Variants in OCA2 observed in about 807,000 individuals in gnomAD.
OCA2 encodes OCA2 melanosomal transmembrane protein.
In OCA2, 77 loss-of-function variants were observed where a neutral mutation model predicts 100.2. That is an observed-to-expected ratio of 0.77 (90% CI 0.64 to 0.93). OCA2 has a LOEUF of 0.93. Among genes scored for constraint, OCA2 ranks in the 40% least tolerant of loss-of-function variants. The probability of loss-of-function intolerance (pLI) is 0.00; values close to 1 mark genes in which losing one functional copy is unlikely to be tolerated. For synonymous variants in OCA2, 432 were observed against 439.2 expected (o/e 0.98, Z 0.21); for missense variants, 1,062 against 1,089.1 (o/e 0.98, Z 0.35).
At chr15:27,998,321 G>A (rs1275727301) in intron 9 of OCA2, among the ~76,000 whole-genome samples, 1 of 88,512 alleles carries the variant, frequency 1.1e-5, no homozygotes, top group African/African-American at 2.7e-5. Context: ...CTAGTATCCA[G>A]AATCTACAAT....
chr15:27,915,215 T>C (rs1435032563), intron 19 of OCA2, among the ~76,000 whole-genome samples: 1 of 152,126 alleles, frequency 6.6e-6, no homozygotes, highest in African/African-American at 2.4e-5. Flanking sequence ...CAACTCAAGA[T>C]GGATCAAAGA....
intron 18 of OCA2, among the ~76,000 whole-genome samples, chr15:27,948,147 C>T (rs114871145): frequency 0.025 from 3,761 of 152,062 alleles, 168 homozygotes; most frequent in African/African-American, 0.086. Context: ...AGAGGACAGA[C>T]GAGGAAAGAA....
intron 14 of OCA2, among the ~76,000 whole-genome samples, chr15:27,968,769 C>T (rs1194563557): frequency 1.3e-5 from 2 of 152,050 alleles, no homozygotes; most frequent in Non-Finnish European, 2.9e-5. Context: ...AAGCTAATTC[C>T]TGGACAGATG....
chr15:28,000,665 A>G (rs58913900), intron 9 of OCA2, among the ~76,000 whole-genome samples: 6,735 of 152,226 alleles, frequency 0.044, 515 homozygotes, highest in African/African-American at 0.15. Context: ...CAAACAACAA[A>G]ATGAAAAGAC....
At chr15:27,927,980 TG>T (rs974774747) in intron 18 of OCA2, among the ~76,000 whole-genome samples, 3 of 151,886 alleles carry the variant, frequency 2.0e-5, no homozygotes, top group Admixed American at 6.6e-5. Flanking sequence ...TCAGTAGAGA[TG>T]GGGTTTCACC....
the OCA2 span, among the ~76,000 whole-genome samples, chr15:27,746,292 C>T: frequency 6.6e-6 from 1 of 151,998 alleles, no homozygotes; most frequent in Non-Finnish European, 1.5e-5. Flanking sequence ...CCCATCTCTA[C>T]TAAAAATACA....
At chr15:27,954,809 T>G (rs1320500319) in intron 17 of OCA2, among the ~76,000 whole-genome samples, 2 of 152,198 alleles carry the variant, frequency 1.3e-5, no homozygotes, top group African/African-American at 4.8e-5. Flanking sequence ...TCATGCAGCA[T>G]GCCTTGCCGG....
the OCA2 span, among the ~76,000 whole-genome samples, chr15:27,719,265 C>T: frequency 6.6e-6 from 1 of 152,138 alleles, no homozygotes; most frequent in Non-Finnish European, 1.5e-5. Context: ...TGCAGTCCTT[C>T]TTGCCACGTC....
At chr15:28,008,249 T>G (rs1311431984) in intron 9 of OCA2, among the ~76,000 whole-genome samples, 2 of 152,196 alleles carry the variant, frequency 1.3e-5, no homozygotes, top group Non-Finnish European at 2.9e-5. Flanking sequence ...GAAGCAAAAT[T>G]TATTCAAATA....
chr15:28,056,921 GC>G (rs2043719796), intron 2 of OCA2, among the ~76,000 whole-genome samples: 1 of 152,232 alleles, frequency 6.6e-6, no homozygotes, highest in African/African-American at 2.4e-5. Context: ...CCAGCTGCCT[GC>G]CCCCTGCCTC....
intron 19 of OCA2, among the ~76,000 whole-genome samples, chr15:27,919,345 T>C (rs1234119601): frequency 6.6e-6 from 1 of 152,098 alleles, no homozygotes; most frequent in African/African-American, 2.4e-5. Flanking sequence ...TTATTTAAAA[T>C]TGCCAAAACT....
chr15:27,876,950 A>G (rs2036816448), intron 19 of OCA2, among the ~76,000 whole-genome samples: 3 of 151,742 alleles, frequency 2.0e-5, no homozygotes, highest in Non-Finnish European at 4.4e-5. Context: ...TTTACTTTCC[A>G]TTCCAGCTTC....
intron 23 of OCA2, among the ~76,000 whole-genome samples, chr15:27,774,257 G>A (rs1015322444): frequency 1.3e-5 from 2 of 152,164 alleles, no homozygotes; most frequent in Non-Finnish European, 2.9e-5. Context: ...GTGCATTCCA[G>A]ATGATGTCTC....
chr15:28,054,369 G>A (rs371625725), intron 2 of OCA2, among the ~76,000 whole-genome samples: 5 of 152,188 alleles, frequency 3.3e-5, no homozygotes, highest in East Asian at 1.9e-4. Flanking sequence ...GTACATGTGC[G>A]TGCTGGTCCT....
chr15:27,730,946 T>C, the OCA2 span, among the ~76,000 whole-genome samples: 1 of 151,770 alleles, frequency 6.6e-6, no homozygotes, highest in Non-Finnish European at 1.5e-5. Flanking sequence ...CTAAAGCCTG[T>C]GTTTTCTCAG....
At chr15:27,784,456 A>G (rs575890676) in intron 23 of OCA2, among the ~76,000 whole-genome samples, 33 of 152,316 alleles carry the variant, frequency 2.2e-4, no homozygotes, top group African/African-American at 7.9e-4. Flanking sequence ...TGGATCAAAA[A>G]TTTTGTGACA....
At chr15:28,030,861 C>T (rs1374098570) in intron 3 of OCA2, among the ~76,000 whole-genome samples, 1 of 152,214 alleles carries the variant, frequency 6.6e-6, no homozygotes, top group Non-Finnish European at 1.5e-5. Context: ...AAAAGAGTCA[C>T]ATAAAAGGCA....
chr15:28,083,830 A>C (rs2044724497), intron 1 of OCA2, among the ~76,000 whole-genome samples: 1 of 152,194 alleles, frequency 6.6e-6, no homozygotes, highest in African/African-American at 2.4e-5. Context: ...CTCACAAATT[A>C]TGTAACTGGT....
intron 4 of OCA2, among the ~76,000 whole-genome samples, chr15:28,027,434 A>C (rs1223708881): frequency 6.6e-6 from 1 of 152,216 alleles, no homozygotes; most frequent in Non-Finnish European, 1.5e-5. Flanking sequence ...TTCCAGCCTT[A>C]ACAAGGTTTC....
Sources: gnomAD v4.1 joint callset for allele counts (sites outside exome capture counted in the v4.1 genomes callset) on GRCh38, gnomAD v4.1.1 for gene constraint, MANE v1.5 for transcripts, NCBI Gene and HGNC (gene_info 2026-07-23, HGNC 2026-07-21) for gene names.